PBX3: variants seen among roughly 807,000 people sequenced by gnomAD.
PBX3 encodes PBX homeobox 3.
A neutral mutation model predicts 48.5 loss-of-function variants in PBX3; 14 were observed. That is an observed-to-expected ratio of 0.29 (90% confidence interval 0.19 to 0.45). The LOEUF (loss-of-function observed/expected upper bound fraction) is 0.45, where lower values mean the gene tolerates loss of function less well. Ranked by LOEUF, PBX3 falls within the 20% of genes least tolerant of loss-of-function variation. The pLI is 1.00. For missense variants in PBX3, 386 were observed against 546.7 expected (o/e 0.71, Z 2.93); for synonymous variants, 210 against 200.3 (o/e 1.05, Z -0.41).
intron 2 of PBX3, among the ~76,000 whole-genome samples, chr9:125,814,898 A>G (rs940028195): frequency 3.3e-5 from 5 of 152,216 alleles, no homozygotes; most frequent in African/African-American, 1.2e-4. Flanking sequence ...CAGAATAGGA[A>G]TTTGAGGTTG....
At chr9:125,877,662 G>A (rs1410262003) in intron 2 of PBX3, among the ~76,000 whole-genome samples, 3 of 151,520 alleles carry the variant, frequency 2.0e-5, no homozygotes, top group Middle Eastern at 3.2e-3. Flanking sequence ...TCCACTTTAC[G>A]TATCATGCTC....
chr9:125,880,687 T>G (rs1362975027), intron 2 of PBX3, among the ~76,000 whole-genome samples: 1 of 152,202 alleles, frequency 6.6e-6, no homozygotes, highest in Non-Finnish European at 1.5e-5. Context: ...CAAAAAATCT[T>G]TTGCTGTAAT....
Position 125,772,830 on chromosome 9 carries a change from C to T in PBX3, c.274+24207C>T, listed in dbSNP as rs527467413. 2.0e-5 allele frequency among the ~76,000 whole-genome samples: 3 copies of T among 152,278 alleles called. No homozygotes were observed. The South Asian group carries it at 6.2e-4, about 32-fold the overall frequency. ...GCCTATAATCTCAGCACTTTGAGAG[C>T]CAAGATGAGAGGATTGCTTCAGCCC... On this transcript the variant is annotated intron_variant, in intron 2 of 8. Transcript: ENST00000373489.
chr9:125,824,855 T>A (rs2132170685), intron 2 of PBX3, among the ~76,000 whole-genome samples: 1 of 152,336 alleles, frequency 6.6e-6, no homozygotes, highest in East Asian at 1.9e-4. Flanking sequence ...GAACGTTGAC[T>A]GTTTGCCATG....
chr9:125,949,367 C>T (rs538444108), intron 5 of PBX3: 50 of 1,550,356 alleles, frequency 3.2e-5, no homozygotes, highest in Admixed American at 2.9e-4. Flanking sequence ...ATTTTCTTGC[C>T]GGGCATACAG....
chr9:125,942,948 T>C (rs10987054), intron 5 of PBX3, among the ~76,000 whole-genome samples: 97,143 of 152,102 alleles, frequency 0.64, 32,329 homozygotes, highest in East Asian at 0.77. Flanking sequence ...AAACAATCAG[T>C]ACCATGATTG....
At position 125,925,131 on chromosome 9, in the gene PBX3, C is replaced by T. The variant is rs76852241; in HGVS notation, c.517-4524C>T. Reference sequence around the variant, plus strand: ...GTAATAAGATGAATAATTGATATTGCTTCATCAAGGACATTCCTAAGTCAA... The same window carrying T: ...GTAATAAGATGAATAATTGATATTGTTTCATCAAGGACATTCCTAAGTCAA... On this transcript the variant is annotated intron_variant, in intron 3 of 8. Coordinates refer to ENST00000373489, the MANE Select transcript of PBX3 (RefSeq NM_006195.6). Among the ~76,000 whole-genome samples, 277 of 152,290 alleles carry T rather than the reference C, an allele frequency of 1.8e-3. 4 individuals carry two copies. The East Asian group carries it at 0.041, about 22-fold the overall frequency.
At chr9:125,848,873 G>T (rs749338600) in intron 2 of PBX3, among the ~76,000 whole-genome samples, 1 of 151,892 alleles carries the variant, frequency 6.6e-6, no homozygotes, top group Admixed American at 6.6e-5. Context: ...TCAGCAACAG[G>T]CTAGATAAGC....
At chr9:125,923,915 A>C (rs1321226125) in intron 3 of PBX3, among the ~76,000 whole-genome samples, 1 of 151,956 alleles carries the variant, frequency 6.6e-6, no homozygotes, top group African/African-American at 2.4e-5. Context: ...CTCAGGCTAG[A>C]GTGTAGTGAT....
intron 5 of PBX3, among the ~76,000 whole-genome samples, chr9:125,959,486 G>C (rs971047930): frequency 1.3e-5 from 2 of 152,242 alleles, no homozygotes; most frequent in Non-Finnish European, 2.9e-5. Flanking sequence ...CCTTGCCAGG[G>C]CTCTCTGCTC....
At chr9:125,947,367 A>G (rs1196611211) in intron 5 of PBX3, among the ~76,000 whole-genome samples, 6 of 152,172 alleles carry the variant, frequency 3.9e-5, no homozygotes, top group Admixed American at 3.9e-4. Flanking sequence ...CTTATAAGTT[A>G]TGAGAGGAGA....
intron 5 of PBX3, among the ~76,000 whole-genome samples, chr9:125,956,636 A>C (rs1018278466): frequency 6.6e-6 from 1 of 152,192 alleles, no homozygotes; most frequent in Non-Finnish European, 1.5e-5. Context: ...GCTGATAACA[A>C]TGAACATCAG....
chr9:125,799,644 T>A (rs1837883037), intron 2 of PBX3, among the ~76,000 whole-genome samples: 1 of 152,226 alleles, frequency 6.6e-6, no homozygotes, highest in Admixed American at 6.5e-5. Flanking sequence ...AGACAACATT[T>A]TCTTTTCCTG....
chr9:125,822,752 TG>T (rs1244263628), intron 2 of PBX3, among the ~76,000 whole-genome samples: 12 of 152,282 alleles, frequency 7.9e-5, no homozygotes, highest in African/African-American at 2.4e-4. Flanking sequence ...ATTTCATTAA[TG>T]TTTTTTGTAC....
chr9:125,909,597 A>C (rs371198996), intron 2 of PBX3, among the ~76,000 whole-genome samples: 68 of 152,246 alleles, frequency 4.5e-4, no homozygotes, highest in African/African-American at 1.6e-3. Flanking sequence ...GCAGTGTAGC[A>C]GGGAGAAGAA....
chr9:125,767,970 G>A (rs534444733), intron 2 of PBX3, among the ~76,000 whole-genome samples: 1 of 150,994 alleles, frequency 6.6e-6, no homozygotes, highest in South Asian at 2.1e-4. Context: ...CTGGCGGCCG[G>A]TGGGACGGGG....
chr9:125,802,361 T>A (rs55689843), intron 2 of PBX3, among the ~76,000 whole-genome samples: 6 of 123,228 alleles, frequency 4.9e-5, no homozygotes, highest in East Asian at 3.0e-4. Flanking sequence ...ATTAGTGCAT[T>A]TTTTTTTTTT....
chr9:125,921,562 A>G (rs1841458289), intron 3 of PBX3, among the ~76,000 whole-genome samples: 1 of 152,148 alleles, frequency 6.6e-6, no homozygotes, highest in East Asian at 1.9e-4. Flanking sequence ...AATCCTTATA[A>G]AACCCTCATG....
At chr9:125,750,944 C>T (rs556754018) in intron 2 of PBX3, among the ~76,000 whole-genome samples, 5 of 152,124 alleles carry the variant, frequency 3.3e-5, no homozygotes, top group Non-Finnish European at 7.3e-5. Context: ...ATCCTCAATT[C>T]GAAATAAAAC....
Sources: allele counts gnomAD v4.1 joint callset (sites outside exome capture counted in the v4.1 genomes callset), GRCh38; gene constraint gnomAD v4.1.1; transcripts MANE v1.5; gene names NCBI Gene and HGNC (gene_info 2026-07-23, HGNC 2026-07-21).